RECQL5: variants seen among roughly 807,000 people sequenced by gnomAD.
RECQL5 encodes the protein ATP-dependent DNA helicase Q5.
RECQL5 carries 88 observed loss-of-function variants against 103.4 expected under a neutral mutation model. That is an observed-to-expected ratio of 0.85 (90% confidence interval 0.72 to 1.02). RECQL5 has a LOEUF of 1.02. Ranked by LOEUF, RECQL5 falls within the 50% of genes least tolerant of loss-of-function variation. The pLI is 0.00. For synonymous variants in RECQL5, 552 were observed against 507.9 expected (o/e 1.09, Z -1.17); for missense variants, 1,232 against 1,284.3 (o/e 0.96, Z 0.62).
chr17:75,633,472 T>C, intron 8 of RECQL5: 1 of 1,289,034 alleles, frequency 7.8e-7, no homozygotes, highest in Non-Finnish European at 1.0e-6. Flanking sequence ...ACAAGGAACA[T>C]GAGGCGCCTT....
intron 7 of RECQL5, among the ~76,000 whole-genome samples, chr17:75,654,139 T>C (rs144947654): frequency 2.4e-4 from 36 of 152,366 alleles, no homozygotes; most frequent in African/African-American, 7.5e-4. Context: ...ACCGAAGTGA[T>C]TGCATTTTTA....
Position 75,658,388 on chromosome 17 carries a change from A to T in RECQL5, c.1059T>A (p.Asp353Glu). The T allele has an allele frequency of 2.5e-6, 4 of 1,614,058 alleles. No individual in the cohort carries two copies. The highest frequency in any genetic ancestry group is 3.4e-6 in the Non-Finnish European group (4 of 1,179,970). Residue 353 changes from aspartate (D) to glutamate (E), a missense_variant, in exon 7 of 20, where the codon GAT (aspartate) becomes GAA (glutamate). By Grantham distance (45) the Asp-to-Glu change is conservative (BLOSUM62 2). Transcript: ENST00000317905. ...AGAGACGGCACCAGGAAGGCTTCCC[A>T]TCCCTGCCAGCCCGGCCAGACTCCT... The part of the protein sequence containing the change: ...YYQESGRAGR[D>E]GKPSWCRLYY...
In RECQL5 at chr17:75,662,664, T is replaced by C; in HGVS notation, c.586A>G (p.Thr196Ala). 2 of 1,614,018 alleles carry C rather than the reference T, an allele frequency of 1.2e-6. No homozygotes were observed. Among genetic ancestry groups the C allele is most frequent in the Non-Finnish European group, 8.5e-7 (1 of 1,179,998 alleles). ...APCVALTATA[T>A]PQVQEDVFAA... ...AACACGTCCTCTTGGACCTGTGGGG[T>C]GGCTGTGGCGGTCAGAGCCACACAA... Residue 196 changes from threonine to alanine, a missense_variant, in exon 4 of 20, where the codon ACC (threonine) becomes GCC (alanine). By Grantham distance (58) the Thr-to-Ala change is moderately conservative. Transcript: ENST00000317905.
At chr17:75,644,406 G>T (rs905481788) in intron 8 of RECQL5, among the ~76,000 whole-genome samples, 11 of 152,108 alleles carry the variant, frequency 7.2e-5, no homozygotes, top group African/African-American at 2.7e-4. Context: ...GGGAGTTTGA[G>T]ACCAGCCTGG....
chr17:75,627,792 G>A (rs2059125674), intron 18 of RECQL5, 100 bp from the exon 19 acceptor site: 2 of 1,042,872 alleles, frequency 1.9e-6, no homozygotes, highest in Non-Finnish European at 2.9e-6. Context: ...GGCCGAGGCG[G>A]GCGGATCATG....
rs964062687 is a variant in RECQL5 at position 75,636,282 on chromosome 17, CACTACCAAGCGTG to C, written c.1230-4627_1230-4615del. ...CTGGTTGCCCTGGTTCGCAGGTGGG[CACTACCAAGCGTG>C]GGGTTGGGAGGGACTGGTTGCCCTG... On this transcript the variant is annotated intron_variant, in intron 8 of 19. Coordinates refer to ENST00000317905, the MANE Select transcript of RECQL5 (RefSeq NM_004259.7). The surrounding 1 kb of genome is among the most constrained non-coding windows in gnomAD (Gnocchi z 5.4). 2.0e-5 allele frequency among the ~76,000 whole-genome samples: 3 copies of C among 151,916 alleles called. No homozygotes were observed. The highest frequency in any genetic ancestry group is 7.3e-5 in the African/African-American group (3 of 41,348).
At chr17:75,649,121 A>C (rs933166539) in intron 8 of RECQL5, 1 of 152,216 alleles carries the variant, frequency 6.6e-6, no homozygotes. Context: ...AGAAACAAGA[A>C]GATGCCAGGC....
At chr17:75,666,971 G>C (rs921823610) in intron 1 of RECQL5, 73 bp downstream of exon 1, 1 of 252,074 alleles carries the variant, frequency 4.0e-6, no homozygotes, top group African/African-American at 2.3e-5. Flanking sequence ...CCCTTCTCCC[G>C]TCTTCCTGAG....
chr17:75,640,769 G>C lies in RECQL5; in HGVS notation c.1230-9101C>G. On this transcript the variant is annotated intron_variant, in intron 8 of 19. Transcript: ENST00000317905. The surrounding 1 kb of genome is among the most constrained non-coding windows in gnomAD (Gnocchi z 4.6). ...CTTTCTCTCCCCCAACCTGAGTCCC[G>C]TGCTCTCTCCCGGCCCTCCAGCTAC... The C allele has an allele frequency of 6.5e-7, 1 of 1,547,334 alleles. No homozygotes were observed. Among genetic ancestry groups the C allele is most frequent in the Non-Finnish European group, 8.7e-7 (1 of 1,144,882 alleles).
At chr17:75,638,601 G>C (rs905615631) in intron 8 of RECQL5, 1 of 152,304 alleles carries the variant, frequency 6.6e-6, no homozygotes, top group Admixed American at 6.5e-5. Context: ...GGGGGTGCTA[G>C]TGACGGTGCA....
chr17:75,653,796 G>A (rs1224359795), intron 7 of RECQL5, among the ~76,000 whole-genome samples: 1 of 152,068 alleles, frequency 6.6e-6, no homozygotes, highest in African/African-American at 2.4e-5. Flanking sequence ...TACTTGGGGG[G>A]CTGAGGCATG....
chr17:75,646,183 G>C (rs976770358), intron 8 of RECQL5: 1 of 152,280 alleles, frequency 6.6e-6, no homozygotes, highest in Non-Finnish European at 1.5e-5. Flanking sequence ...AGCCTCAGGG[G>C]GGGAGCAACA....
In RECQL5 at chr17:75,661,676, A is replaced by G. The variant is rs776193659; in HGVS notation, c.804T>C (p.Thr268=). 4 of 1,614,146 alleles carry G rather than the reference A, an allele frequency of 2.5e-6. No homozygotes were observed. The highest frequency in any genetic ancestry group is 2.2e-5 in the East Asian group (1 of 44,886). The part of the protein sequence containing the change: ...LSGCGIVYCR[T]REACEQLAIE... ...TGGCCAGCTGTTCACAAGCCTCTCTAGTCCTGCAGTACACAATGCCGCAGC... is the reference window on the plus strand; with the variant it reads ...TGGCCAGCTGTTCACAAGCCTCTCTGGTCCTGCAGTACACAATGCCGCAGC... Residue 268 remains threonine (T), a synonymous_variant, in exon 5 of 20, where the codon ACT becomes ACC. Transcript: ENST00000317905.
At chr17:75,647,334 G>C in intron 8 of RECQL5, 1 of 1,503,624 alleles carries the variant, frequency 6.7e-7, no homozygotes, top group South Asian at 1.3e-5. Flanking sequence ...GCCTGGGAGG[G>C]CTGCCTGCAC....
chr17:75,634,655 G>A (rs984307361), intron 8 of RECQL5, among the ~76,000 whole-genome samples: 1 of 152,242 alleles, frequency 6.6e-6, no homozygotes, highest in Non-Finnish European at 1.5e-5. Flanking sequence ...CCAGGATGCA[G>A]CAGGACTCTG....
intron 16 of RECQL5, 21 bp from the exon 17 acceptor site, chr17:75,628,783 C>T (rs758156894): frequency 1.9e-6 from 3 of 1,603,948 alleles, no homozygotes; most frequent in Non-Finnish European, 2.5e-6. Flanking sequence ...GAAGAGCAGG[C>T]ATCACAGCAC....
intron 8 of RECQL5, chr17:75,650,307 A>G (rs2059538544): frequency 1.9e-6 from 2 of 1,039,142 alleles, no homozygotes; most frequent in African/African-American, 3.3e-5. Context: ...TCCAGAAGCC[A>G]CCGACTCACT....
rs2059139872 is a variant in RECQL5, at chr17:75,628,251, G to A, written c.2772C>T (p.Thr924=). ...EAANVVVKCL[T]PFYKEGKFAS... The stretch of plus-strand genomic sequence containing the variant: ...CAAACTTGCCCTCCTTGTAGAAAGG[G>A]GTGAGGCACTTGACCACAACATTTG... The change falls in exon 18 of 20, where the codon ACC becomes ACT. Residue 924 remains threonine (T), a synonymous_variant. Transcript: ENST00000317905. 6.2e-7 allele frequency: 1 copy of A among 1,614,176 alleles called. No individual in the cohort carries two copies. The highest frequency in any genetic ancestry group is 8.5e-7 in the Non-Finnish European group (1 of 1,180,018).
At chr17:75,645,711 G>A (rs1032634381) in intron 8 of RECQL5, among the ~76,000 whole-genome samples, 6 of 152,142 alleles carry the variant, frequency 3.9e-5, no homozygotes, top group South Asian at 4.1e-4. Flanking sequence ...GGTCAGTGAC[G>A]CCCATGATAG....
Sources: gnomAD v4.1 joint callset for allele counts (sites outside exome capture counted in the v4.1 genomes callset) on GRCh38, gnomAD v4.1.1 for gene constraint, Gnocchi (gnomAD v3.1) non-coding constraint, MANE v1.5 for transcripts, NCBI Gene and HGNC (gene_info 2026-07-23, HGNC 2026-07-21) for gene names.